Variants in COX10 observed in about 807,000 individuals in gnomAD.
COX10 encodes cytochrome c oxidase assembly factor heme A:farnesyltransferase COX10, also known as protoheme IX farnesyltransferase, mitochondrial.
A neutral mutation model predicts 37.3 loss-of-function variants in COX10; 27 were observed. The ratio of observed to expected loss-of-function variants is 0.72; its 90% CI spans 0.53 to 1.00. The LOEUF (loss-of-function observed/expected upper bound fraction) is 1.00. Ranked by LOEUF, COX10 falls within the 50% of genes least tolerant of loss-of-function variation. The pLI is 0.00. For missense variants in COX10, 475 were observed against 563.2 expected, an observed-to-expected ratio of 0.84 and a Z score of 1.59; for synonymous variants, 222 against 229.1, an observed-to-expected ratio of 0.97 and a Z score of 0.28.
intron 5 of COX10, among the ~76,000 whole-genome samples, chr17:14,180,534 T>C (rs1905826344): frequency 6.6e-6 from 1 of 152,130 alleles, no homozygotes; most frequent in Non-Finnish European, 1.5e-5. Context: ...AAGAAAGCAT[T>C]TGTGACTATT....
At chr17:14,141,122 T>G (rs1373604337) in intron 4 of COX10, among the ~76,000 whole-genome samples, 1 of 152,136 alleles carries the variant, frequency 6.6e-6, no homozygotes, top group East Asian at 1.9e-4. Context: ...AATTTATCTG[T>G]TTTACATCTC....
chr17:14,104,555 A>G (rs1915851411), intron 4 of COX10, among the ~76,000 whole-genome samples: 1 of 152,144 alleles, frequency 6.6e-6, no homozygotes, highest in Admixed American at 6.6e-5. Context: ...GTTGGTCTGT[A>G]TAAAAGTTCT....
chr17:14,161,984 G>T (rs995742734), intron 5 of COX10, among the ~76,000 whole-genome samples: 1 of 152,106 alleles, frequency 6.6e-6, no homozygotes, highest in African/African-American at 2.4e-5. Flanking sequence ...TTGCCACTGG[G>T]GAAGCCAAAT....
At chr17:14,187,767 C>T (rs1906077162) in intron 5 of COX10, among the ~76,000 whole-genome samples, 1 of 152,202 alleles carries the variant, frequency 6.6e-6, no homozygotes, top group Non-Finnish European at 1.5e-5. Context: ...ATTGAGGGCT[C>T]CTCGTGCCAG....
At position 14,156,216 on chromosome 17, in the gene COX10, A is replaced by G. The variant is rs953504214; in HGVS notation, c.625-3661A>G. On this transcript the variant is annotated intron_variant, in intron 4 of 6. Transcript: ENST00000261643. ...GGTTTACTCAGGTTGCACAGCCACT[A>G]TTAAATGGTAAATCTGAATTTTTTT... Among the ~76,000 whole-genome samples the G allele has an allele frequency of 2.6e-4, 40 of 152,070 alleles. 1 individual carries two copies. Among genetic ancestry groups the G allele is most frequent in the African/African-American group, 8.0e-4 (33 of 41,422 alleles).
intron 5 of COX10, among the ~76,000 whole-genome samples, chr17:14,175,399 G>C (rs180895204): frequency 0.047 from 7,055 of 151,202 alleles, 232 homozygotes; most frequent in Non-Finnish European, 0.069. Flanking sequence ...CACCTTGCAA[G>C]CCTGACCATA....
chr17:14,073,447 TTA>T (rs1334105748), intron 1 of COX10, among the ~76,000 whole-genome samples: 1 of 152,180 alleles, frequency 6.6e-6, no homozygotes, highest in Non-Finnish European at 1.5e-5. Context: ...TAAAACACTC[TTA>T]AAGACATTTT....
In COX10 at chr17:14,151,897, G is replaced by T. The variant is rs139213739; in HGVS notation, c.625-7980G>T. Among the ~76,000 whole-genome samples the T allele has an allele frequency of 3.9e-3, 586 of 152,170 alleles. 4 individuals are homozygous for T. The highest frequency in any genetic ancestry group is 0.012 in the African/African-American group (503 of 41,502). On this transcript the variant is annotated intron_variant, in intron 4 of 6. Transcript: ENST00000261643. The stretch of plus-strand genomic sequence containing the variant: ...TTATACATCATTTTAAAATAATTTA[G>T]TGCAGTCTGCAGGTATGTTTATTTG...
intron 4 of COX10, among the ~76,000 whole-genome samples, chr17:14,124,057 A>G (rs530062432): frequency 1.3e-5 from 2 of 152,278 alleles, no homozygotes; most frequent in East Asian, 3.9e-4. Context: ...GGTTAGTTTC[A>G]CATTTCTCAC....
chr17:14,131,637 G>A (rs1424999536), intron 4 of COX10, among the ~76,000 whole-genome samples: 1 of 151,982 alleles, frequency 6.6e-6, no homozygotes, highest in Non-Finnish European at 1.5e-5. Context: ...CATTTTAAAT[G>A]TTCTGATGAC....
At chr17:14,101,237 T>G (rs2142199423) in intron 3 of COX10, among the ~76,000 whole-genome samples, 1 of 152,348 alleles carries the variant, frequency 6.6e-6, no homozygotes, top group Middle Eastern at 3.4e-3. Context: ...ATTCTTGACA[T>G]AGGTCTTCCC....
At chr17:14,086,418 G>T (rs1356245438) in intron 3 of COX10, among the ~76,000 whole-genome samples, 1 of 152,072 alleles carries the variant, frequency 6.6e-6, no homozygotes, top group Non-Finnish European at 1.5e-5. Flanking sequence ...CAAAGAGTTT[G>T]TGAAGCTCTG....
chr17:14,076,695 G>A (rs1915158644), intron 2 of COX10, 40 bp from the exon 3 acceptor site: 3 of 1,595,788 alleles, frequency 1.9e-6, no homozygotes, highest in Non-Finnish European at 2.6e-6. Flanking sequence ...GAGAGCATTT[G>A]GGGCCTTGGT....
intron 4 of COX10, among the ~76,000 whole-genome samples, chr17:14,159,357 C>T (rs1278117044): frequency 6.6e-6 from 1 of 152,182 alleles, no homozygotes; most frequent in Non-Finnish European, 1.5e-5. Context: ...AAATTATTTA[C>T]AACGCTAATG....
At chr17:14,135,457 TG>T (rs1439392816) in intron 4 of COX10, among the ~76,000 whole-genome samples, 1 of 151,888 alleles carries the variant, frequency 6.6e-6, no homozygotes, top group East Asian at 1.9e-4. Flanking sequence ...TGATTGAAAA[TG>T]CAGATGCTTG....
chr17:14,152,225 A>T (rs902904413), intron 4 of COX10, among the ~76,000 whole-genome samples: 2 of 152,202 alleles, frequency 1.3e-5, no homozygotes, highest in Admixed American at 6.5e-5. Flanking sequence ...TGGGCAATTT[A>T]CAAAAGGAAG....
intron 5 of COX10, chr17:14,182,093 T>A: frequency 1.0e-6 from 1 of 983,716 alleles, no homozygotes; most frequent in South Asian, 4.7e-5. Flanking sequence ...TCAGCGTAGA[T>A]CTGGTTTGTT....
Position 14,083,659 on chromosome 17 carries a change from C to A in COX10, c.499+6603C>A, listed in dbSNP as rs540414964. On this transcript the variant is annotated intron_variant, in intron 3 of 6. Coordinates refer to ENST00000261643, the MANE Select transcript of COX10 (RefSeq NM_001303.4). ...GGCCAGGATATGAGCCAAACGTTTG[C>A]TGGTGCTAATGCCATTTAAAGATTT... Among the ~76,000 whole-genome samples, 135 of 152,310 alleles carry A rather than the reference C, an allele frequency of 8.9e-4. 1 individual carries two copies. The highest frequency in any genetic ancestry group is 3.2e-3 in the African/African-American group (131 of 41,558).
intron 5 of COX10, among the ~76,000 whole-genome samples, chr17:14,168,621 C>G (rs1221006914): frequency 6.6e-6 from 1 of 152,262 alleles, no homozygotes; most frequent in Non-Finnish European, 1.5e-5. Context: ...TTCTGTGCAG[C>G]TGCAGGCCCA....
Sources: gnomAD v4.1 joint callset for allele counts (sites outside exome capture counted in the v4.1 genomes callset) on GRCh38, gnomAD v4.1.1 for gene constraint, MANE v1.5 for transcripts, NCBI Gene and HGNC (gene_info 2026-07-23, HGNC 2026-07-21) for gene names.